Variants in TOM1L1 observed in about 807,000 individuals in gnomAD.
TOM1L1 encodes TOM1-like protein 1.
In TOM1L1, 64 loss-of-function variants were observed where a neutral mutation model predicts 63.4. The ratio of observed to expected loss-of-function variants is 1.01; its 90% CI spans 0.83 to 1.24. The LOEUF (loss-of-function observed/expected upper bound fraction) is 1.24, where lower values mean the gene tolerates loss of function less well. Among genes scored for constraint, TOM1L1 ranks in the 50% most tolerant of loss-of-function variants. The pLI is 0.00. For missense variants in TOM1L1, 536 were observed against 567.0 expected, an observed-to-expected ratio of 0.95 and a Z score of 0.55; for synonymous variants, 166 against 194.4, an observed-to-expected ratio of 0.85 and a Z score of 1.22.
chr17:54,928,044 C>T (rs1382334042), intron 7 of TOM1L1, among the ~76,000 whole-genome samples: 1 of 152,146 alleles, frequency 6.6e-6, no homozygotes, highest in Non-Finnish European at 1.5e-5. Flanking sequence ...AGCAAGGCTG[C>T]CAGTGAGCAA....
At chr17:54,928,758 C>T (rs1359284490) in intron 7 of TOM1L1, among the ~76,000 whole-genome samples, 3 of 152,164 alleles carry the variant, frequency 2.0e-5, no homozygotes, top group Non-Finnish European at 4.4e-5. Flanking sequence ...GATGGTTTTT[C>T]TGGCCGCATG....
intron 8 of TOM1L1, chr17:54,936,394 A>G (rs2048946658): frequency 3.0e-6 from 1 of 335,496 alleles, no homozygotes; most frequent in East Asian, 5.6e-5. Context: ...AAATACTGGA[A>G]TAATGTTAAT....
Position 54,944,315 on chromosome 17 carries a change from T to C in TOM1L1, c.1131-2946T>C, listed in dbSNP as rs151328318. On this transcript the variant is annotated intron_variant, in intron 11 of 15. Coordinates refer to ENST00000575882, the MANE Select transcript of TOM1L1 (RefSeq NM_005486.3). ...AATAGAAAAAATTAGCCGGGCGTGG[T>C]GGTGCGCATCTGTAATCCCAGCTAC... Among the ~76,000 whole-genome samples the C allele has an allele frequency of 2.8e-3, 420 of 151,944 alleles. 3 individuals are homozygous for C. Among genetic ancestry groups the C allele is most frequent in the African/African-American group, 9.7e-3 (404 of 41,436 alleles).
chr17:54,922,854 A>C (rs8072502), intron 7 of TOM1L1, among the ~76,000 whole-genome samples: 3,792 of 152,208 alleles, frequency 0.025, 154 homozygotes, highest in African/African-American at 0.085. Flanking sequence ...TTTAATTCCA[A>C]TACATTTTCA....
At chr17:54,904,924 C>A (rs2048386369) in intron 2 of TOM1L1, among the ~76,000 whole-genome samples, 1 of 151,982 alleles carries the variant, frequency 6.6e-6, no homozygotes, top group African/African-American at 2.4e-5. Flanking sequence ...TCCTATTTAC[C>A]ATGTTTAGTT....
chr17:54,903,105 AC>A (rs1376741164), intron 1 of TOM1L1, among the ~76,000 whole-genome samples: 1 of 152,240 alleles, frequency 6.6e-6, no homozygotes, highest in African/African-American at 2.4e-5. Context: ...TAAACGTATT[AC>A]TTTTATTTGG....
At chr17:54,916,227 A>C (rs2143789459) in intron 7 of TOM1L1, 1 of 300,640 alleles carries the variant, frequency 3.3e-6, no homozygotes, top group Middle Eastern at 9.5e-4. Flanking sequence ...AGGCTATTCT[A>C]GTCCTTAAGA....
At chr17:54,949,670 A>C (rs951090630) in intron 13 of TOM1L1, 47 bp downstream of exon 13, 5 of 1,420,026 alleles carry the variant, frequency 3.5e-6, no homozygotes, top group Admixed American at 3.4e-5. Context: ...ACTTATGAGA[A>C]TATATGAGTC....
intron 7 of TOM1L1, among the ~76,000 whole-genome samples, chr17:54,919,985 G>GATTTATTTATTT (rs377199384): frequency 3.2e-4 from 49 of 150,962 alleles, no homozygotes; most frequent in Admixed American, 8.6e-4. Context: ...GTTTTTTATT[G>GATTTATTTATTT]ATTTATTTAT....
intron 14 of TOM1L1, chr17:54,953,268 C>A: frequency 6.6e-6 from 1 of 152,594 alleles, no homozygotes; most frequent in Non-Finnish European, 1.5e-5. Context: ...ACTTGAGAGG[C>A]TAAGGTGGGA....
chr17:54,935,797 A>G (rs111800132), intron 8 of TOM1L1, among the ~76,000 whole-genome samples: 7 of 152,256 alleles, frequency 4.6e-5, no homozygotes, highest in South Asian at 2.1e-4. Context: ...TAGAAGGTCA[A>G]TTTTTTGGTA....
chr17:54,928,523 A>T (rs2048805654), intron 7 of TOM1L1, among the ~76,000 whole-genome samples: 1 of 151,922 alleles, frequency 6.6e-6, no homozygotes, highest in South Asian at 2.1e-4. Context: ...AAAGGAACCA[A>T]ATCTAGCCTG....
Position 54,949,531 on chromosome 17 carries a change from C to G in TOM1L1, c.1196C>G (p.Ser399Ter), listed in dbSNP as rs1010324919. Reference protein sequence around the residue: ...SHAYDNFLEHSNSVFLQPVSL... With the variant: ...SHAYDNFLEH ...TGCTTTCTTCAGTTTCTGGAACATT[C>G]AAATTCAGTGTTTCTACAGCCAGTT... Residue 399 changes from serine (S) to a stop codon, truncating the protein, a stop_gained, in exon 13 of 16, where the codon TCA (serine) becomes TGA (stop). Transcript: ENST00000575882. LOFTEE classifies it high-confidence loss of function. 1.2e-6 allele frequency: 2 copies of G among 1,613,544 alleles called. No homozygotes were observed. The highest frequency in any genetic ancestry group is 1.1e-5 in the South Asian group (1 of 91,072).
intron 11 of TOM1L1, among the ~76,000 whole-genome samples, chr17:54,947,053 CCA>C (rs1302260786): frequency 5.3e-5 from 8 of 152,298 alleles, no homozygotes; most frequent in South Asian, 4.1e-4. Flanking sequence ...CGTGCACACT[CCA>C]CAGTCTCAGG....
chr17:54,952,748 CA>C (rs1444832032), intron 14 of TOM1L1: 1 of 152,162 alleles, frequency 6.6e-6, no homozygotes, highest in East Asian at 1.9e-4. Context: ...TCTAGTACCG[CA>C]TTAGCCAAGG....
chr17:54,935,977 G>C (rs1341426547), intron 8 of TOM1L1, among the ~76,000 whole-genome samples: 2 of 152,088 alleles, frequency 1.3e-5, no homozygotes, highest in East Asian at 3.9e-4. Context: ...ACAAAAATTA[G>C]CTGGGCATGG....
At chr17:54,909,655 T>C (rs963439510) in intron 3 of TOM1L1, among the ~76,000 whole-genome samples, 2 of 152,146 alleles carry the variant, frequency 1.3e-5, no homozygotes, top group Non-Finnish European at 2.9e-5. Flanking sequence ...AACAAGTCTC[T>C]AGAGGGAGAT....
intron 10 of TOM1L1, 27 bp from the exon 11 acceptor site, chr17:54,938,897 G>C: frequency 6.9e-7 from 1 of 1,448,830 alleles, no homozygotes; most frequent in Non-Finnish European, 9.6e-7. Context: ...ATGTTTTAAA[G>C]CCAAACAAGT....
intron 2 of TOM1L1, among the ~76,000 whole-genome samples, chr17:54,904,666 A>C (rs2048382649): frequency 6.6e-6 from 1 of 152,222 alleles, no homozygotes; most frequent in African/African-American, 2.4e-5. Flanking sequence ...TAAACTTTCG[A>C]GAATCGAAGT....
Sources: allele counts gnomAD v4.1 joint callset (sites outside exome capture counted in the v4.1 genomes callset), GRCh38; gene constraint gnomAD v4.1.1; transcripts MANE v1.5; gene names NCBI Gene and HGNC (gene_info 2026-07-23, HGNC 2026-07-21).